Variants in UGGT2 observed in about 807,000 individuals in gnomAD.
UGGT2 encodes UDP-glucose glycoprotein glucosyltransferase 2, also known as UDP-glucose:glycoprotein glucosyltransferase 2.
In UGGT2, 180 loss-of-function variants were observed where a neutral mutation model predicts 192.1. The ratio of observed to expected loss-of-function variants is 0.94; its 90% CI spans 0.83 to 1.06. UGGT2 has a LOEUF of 1.06. Among genes scored for constraint, UGGT2 ranks in the 50% least tolerant of loss-of-function variants. The pLI, the probability that UGGT2 is intolerant of heterozygous loss-of-function variation, is 0.00. For synonymous variants in UGGT2, 580 were observed against 591.0 expected (o/e 0.98, Z 0.27); for missense variants, 1,849 against 1,795.7 (o/e 1.03, Z -0.54).
chr13:95,917,849 T>C (rs561522301), intron 20 of UGGT2, among the ~76,000 whole-genome samples: 2 of 152,162 alleles, frequency 1.3e-5, no homozygotes, highest in Non-Finnish European at 2.9e-5. Flanking sequence ...ATCCTAAATA[T>C]ATAGGCACCC....
intron 31 of UGGT2, among the ~76,000 whole-genome samples, chr13:95,862,660 T>C (rs73556796): frequency 0.017 from 2,513 of 152,252 alleles, 67 homozygotes; most frequent in African/African-American, 0.058. Context: ...CTTGGAACTT[T>C]TATTGGTACT....
chr13:96,006,411 G>C (rs2051976459), intron 5 of UGGT2, among the ~76,000 whole-genome samples: 1 of 151,924 alleles, frequency 6.6e-6, no homozygotes, highest in South Asian at 2.1e-4. Context: ...GATTGCCTGG[G>C]GTCAGGAGTT....
intron 38 of UGGT2, among the ~76,000 whole-genome samples, chr13:95,812,343 T>C (rs1163256491): frequency 6.6e-6 from 1 of 152,190 alleles, no homozygotes; most frequent in East Asian, 1.9e-4. Flanking sequence ...CTTGTATAAA[T>C]TGGCCCACCC....
intron 27 of UGGT2, among the ~76,000 whole-genome samples, chr13:95,884,009 C>T (rs1448830812): frequency 7.2e-6 from 1 of 138,646 alleles, no homozygotes; most frequent in East Asian, 2.2e-4. Flanking sequence ...ATTTTGTTTC[C>T]TACTTTCTAC....
chr13:95,834,873 T>C (rs1887118980), intron 37 of UGGT2, among the ~76,000 whole-genome samples: 1 of 152,154 alleles, frequency 6.6e-6, no homozygotes, highest in African/African-American at 2.4e-5. Flanking sequence ...TCCCTCCAGA[T>C]TGGTACTATC....
At chr13:96,033,001 C>T (rs2052884578) in intron 1 of UGGT2, among the ~76,000 whole-genome samples, 1 of 152,198 alleles carries the variant, frequency 6.6e-6, no homozygotes. Context: ...CAGGTAAAAA[C>T]TTCTTCCAAC....
At chr13:96,015,277 C>CAAA (rs35384365) in intron 4 of UGGT2, among the ~76,000 whole-genome samples, 5 of 111,230 alleles carry the variant, frequency 4.5e-5, no homozygotes, top group African/African-American at 1.7e-4. Context: ...GACTCCGTCT[C>CAAA]AAAAAAAAAA....
Position 95,940,012 on chromosome 13 carries a change from T to C in UGGT2, c.1757A>G (p.His586Arg). The C allele has an allele frequency of 6.2e-7, 1 of 1,601,712 alleles. No homozygotes were observed. The highest frequency in any genetic ancestry group is 8.5e-7 in the Non-Finnish European group (1 of 1,175,040). Residue 586 changes from histidine to arginine, a missense_variant, in exon 16 of 39, where the codon CAT (histidine) becomes CGT (arginine). Physicochemically the swap from His to Arg is conservative, Grantham distance 29 (BLOSUM62 0). Coordinates refer to ENST00000376747, the MANE Select transcript of UGGT2 (RefSeq NM_020121.4). The part of the protein sequence containing the change: ...VKSVLQNTFP[H>R]ANIWDILGIH... ...TCCCAAAATATCCCAAATATTAGCA[T>C]GAGGAAATGTATTTTGGAGAACACT...
At chr13:95,913,897 T>C (rs954584846) in intron 20 of UGGT2, among the ~76,000 whole-genome samples, 5 of 152,190 alleles carry the variant, frequency 3.3e-5, no homozygotes, top group African/African-American at 9.6e-5. Flanking sequence ...CATGGAATAC[T>C]ATGCAGCCAT....
At chr13:95,834,848 C>A (rs1185773056) in intron 37 of UGGT2, among the ~76,000 whole-genome samples, 3 of 152,202 alleles carry the variant, frequency 2.0e-5, no homozygotes, top group South Asian at 2.1e-4. Context: ...ATGTTCTCCA[C>A]ACTTTTTTTC....
intron 30 of UGGT2, among the ~76,000 whole-genome samples, chr13:95,865,371 A>C (rs888821308): frequency 7.9e-5 from 12 of 152,194 alleles, no homozygotes; most frequent in African/African-American, 2.9e-4. Context: ...GCGGCCGAGC[A>C]TGGTGGCTCA....
intron 30 of UGGT2, among the ~76,000 whole-genome samples, chr13:95,866,032 CG>C (rs906217760): frequency 2.0e-5 from 3 of 150,036 alleles, no homozygotes; most frequent in Non-Finnish European, 4.5e-5. Context: ...TTCACACTAG[CG>C]TGTGTGTGTG....
chr13:96,041,197 G>A (rs991074588), intron 1 of UGGT2, among the ~76,000 whole-genome samples: 2 of 152,162 alleles, frequency 1.3e-5, no homozygotes, highest in Non-Finnish European at 1.5e-5. Flanking sequence ...GTGGGAAAGG[G>A]GGATTGTCTG....
intron 29 of UGGT2, among the ~76,000 whole-genome samples, chr13:95,869,238 T>G (rs1357324191): frequency 6.6e-6 from 1 of 152,102 alleles, no homozygotes; most frequent in East Asian, 1.9e-4. Context: ...TATGGCTGCA[T>G]AGTATTCCAT....
At position 96,034,315 on chromosome 13, in the gene UGGT2, C is replaced by G. The variant is rs774342711; in HGVS notation, c.159-2344G>C. Among the ~76,000 whole-genome samples, 127 of 152,330 alleles carry G rather than the reference C, an allele frequency of 8.3e-4. No individual in the cohort carries two copies. The Middle Eastern group carries it at 0.027, about 33-fold the overall frequency. On this transcript the variant is annotated intron_variant, in intron 1 of 38. Transcript: ENST00000376747. ...CCACTCCATGTCTCCTCTCTAGTGACAGCTGCGCTCATCAAGACGATCTGC... is the reference window on the plus strand; with the variant it reads ...CCACTCCATGTCTCCTCTCTAGTGAGAGCTGCGCTCATCAAGACGATCTGC...
chr13:95,989,645 T>C lies in UGGT2; in HGVS notation c.931+328A>G, dbSNP rs147750714. On this transcript the variant is annotated intron_variant, in intron 8 of 38. Transcript: ENST00000376747. ...ACCAAGATTAAGTTTCATTTTCTCC[T>C]TACCTAGGAGTTAGGACTTTTAATC... is the stretch of plus-strand genomic sequence containing the variant. The C allele has an allele frequency of 1.6e-3, 526 of 328,276 alleles. 2 individuals carry two copies. The highest frequency in any genetic ancestry group is 0.011 in the African/African-American group (494 of 46,760). The allele number at this position is 328,276 out of a possible 1,614,324, so 20.3% of individuals were successfully genotyped here. A position where few individuals can be genotyped will look rare whatever the true frequency, so the allele number is the denominator to read the frequency against.
intron 36 of UGGT2, among the ~76,000 whole-genome samples, chr13:95,846,430 GA>G (rs1428774756): frequency 2.0e-5 from 3 of 150,044 alleles, no homozygotes; most frequent in Non-Finnish European, 4.4e-5. Flanking sequence ...GGGAGGAGGG[GA>G]GGGGGGGAGG....
At chr13:96,014,512 G>A (rs1305902365) in intron 4 of UGGT2, among the ~76,000 whole-genome samples, 1 of 152,106 alleles carries the variant, frequency 6.6e-6, no homozygotes, top group Non-Finnish European at 1.5e-5. Context: ...ACAGTTATTT[G>A]GCTTAGAATT....
chr13:96,045,407 T>C (rs2139219471), intron 1 of UGGT2, among the ~76,000 whole-genome samples: 1 of 152,252 alleles, frequency 6.6e-6, no homozygotes, highest in East Asian at 1.9e-4. Context: ...TTTAAAGCAT[T>C]CCCTCTGAGA....
Sources: allele counts gnomAD v4.1 joint callset (sites outside exome capture counted in the v4.1 genomes callset), GRCh38; gene constraint gnomAD v4.1.1; transcripts MANE v1.5; gene names NCBI Gene and HGNC (gene_info 2026-07-23, HGNC 2026-07-21).